The following RBFOX1 variants were observed in gnomAD, a reference collection of about 807,000 sequenced individuals.
RBFOX1 encodes the protein RNA binding protein fox-1 homolog 1.
A neutral mutation model predicts 57.7 loss-of-function variants in RBFOX1; 8 were observed. That is an observed-to-expected ratio of 0.14 (90% CI 0.08 to 0.25). The LOEUF (loss-of-function observed/expected upper bound fraction) is 0.25, where lower values mean the gene tolerates loss of function less well. RBFOX1 is among the 10% of genes least tolerant of loss of function. RBFOX1 has a pLI of 1.00. For missense variants in RBFOX1, 611 were observed against 548.5 expected (o/e 1.11, Z -1.14); for synonymous variants, 326 against 222.4 (o/e 1.47, Z -4.15).
chr16:6,300,412 C>T (rs2078675420), intron 1 of RBFOX1, among the ~76,000 whole-genome samples: 1 of 152,166 alleles, frequency 6.6e-6, no homozygotes, highest in South Asian at 2.1e-4. Flanking sequence ...TTCAAAACAT[C>T]ATGTTGTACA....
intron 5 of RBFOX1, among the ~76,000 whole-genome samples, chr16:7,520,227 T>C (rs2094839470): frequency 6.6e-6 from 1 of 152,198 alleles, no homozygotes; most frequent in Non-Finnish European, 1.5e-5. Flanking sequence ...CATTCTGAAA[T>C]TTTTAGTTGC....
chr16:7,558,642 T>C (rs1188743560), intron 5 of RBFOX1, among the ~76,000 whole-genome samples: 1 of 152,134 alleles, frequency 6.6e-6, no homozygotes, highest in East Asian at 1.9e-4. Flanking sequence ...TCCTGACAAG[T>C]TAGCAACTGG....
chr16:7,597,448 CT>C lies in RBFOX1; in HGVS notation c.622+21del, dbSNP rs1602921949. On this transcript the variant is annotated intron_variant, in intron 9 of 15. Coordinates refer to ENST00000550418, the MANE Select transcript of RBFOX1 (RefSeq NM_018723.4). ...ATACAAATGGTAAGTAGAGATTGGCCTTTTACAAGAAATTCTCTCTACTTCT... is the reference window on the plus strand; with the variant it reads ...ATACAAATGGTAAGTAGAGATTGGCCTTTACAAGAAATTCTCTCTACTTCT... The C allele has an allele frequency of 6.4e-7, 1 of 1,572,152 alleles. No individual in the cohort carries two copies. The highest frequency in any genetic ancestry group is 8.7e-7 in the Non-Finnish European group (1 of 1,148,758).
At chr16:7,393,151 G>A (rs1323987512) in intron 4 of RBFOX1, among the ~76,000 whole-genome samples, 1 of 152,152 alleles carries the variant, frequency 6.6e-6, no homozygotes, top group East Asian at 1.9e-4. Flanking sequence ...TGGGATTACA[G>A]GTGTGAGCCA....
chr16:7,421,128 G>A (rs1393432059), intron 4 of RBFOX1, among the ~76,000 whole-genome samples: 2 of 152,062 alleles, frequency 1.3e-5, no homozygotes, highest in East Asian at 3.9e-4. Context: ...TTGGGCCAAG[G>A]TGGAGAAGGC....
At chr16:6,170,241 T>C (rs1385287593) in intron 1 of RBFOX1, among the ~76,000 whole-genome samples, 1 of 152,200 alleles carries the variant, frequency 6.6e-6, no homozygotes. Flanking sequence ...GAAAGCCGTG[T>C]TCATGTCCAG....
intron 3 of RBFOX1, among the ~76,000 whole-genome samples, chr16:5,846,824 C>T (rs898440709): frequency 6.6e-5 from 10 of 152,216 alleles, no homozygotes. Context: ...CAAATGCTTG[C>T]TTCACTGGGG....
chr16:5,771,453 G>A (rs1055179647), intron 3 of RBFOX1, among the ~76,000 whole-genome samples: 9 of 152,202 alleles, frequency 5.9e-5, no homozygotes, highest in African/African-American at 2.2e-4. Flanking sequence ...CCGTAGTCCA[G>A]GCTGGAGTGC....
intron 3 of RBFOX1, among the ~76,000 whole-genome samples, chr16:6,809,694 AGAG>A (rs2087913992): frequency 6.6e-6 from 1 of 152,204 alleles, no homozygotes; most frequent in Admixed American, 6.5e-5. Flanking sequence ...GAGCTGCAGA[AGAG>A]GAGTTTTTCA....
At chr16:5,335,354 G>A (rs2064869090) in intron 1 of RBFOX1, among the ~76,000 whole-genome samples, 1 of 152,144 alleles carries the variant, frequency 6.6e-6, no homozygotes, top group African/African-American at 2.4e-5. Flanking sequence ...ATCTGAAGGT[G>A]CCTGAAGCTT....
intron 4 of RBFOX1, among the ~76,000 whole-genome samples, chr16:7,369,232 C>G (rs373228983): frequency 1.1e-4 from 17 of 151,900 alleles, no homozygotes; most frequent in South Asian, 6.3e-4. Flanking sequence ...GCAAACACAC[C>G]CAAACAAACA....
chr16:6,639,170 G>A (rs754614509), intron 2 of RBFOX1, among the ~76,000 whole-genome samples: 7 of 152,188 alleles, frequency 4.6e-5, no homozygotes, highest in South Asian at 2.1e-4. Flanking sequence ...AATCATGTGC[G>A]CTAGCTCTGT....
chr16:5,400,752 TA>T (rs1486501451), intron 1 of RBFOX1, among the ~76,000 whole-genome samples: 1 of 152,162 alleles, frequency 6.6e-6, no homozygotes, highest in African/African-American at 2.4e-5. Context: ...AGGAAGATTG[TA>T]AAAACTTTCA....
intron 4 of RBFOX1, among the ~76,000 whole-genome samples, chr16:5,942,860 G>A (rs897880375): frequency 1.3e-5 from 2 of 152,192 alleles, no homozygotes; most frequent in Non-Finnish European, 2.9e-5. Context: ...ATGAGGATGG[G>A]AGCTGATCCT....
Position 6,403,394 on chromosome 16 carries a change from A to T in RBFOX1, c.-64+86337A>T, listed in dbSNP as rs564005857. Among the ~76,000 whole-genome samples, 6 of 151,928 alleles carry T rather than the reference A, an allele frequency of 3.9e-5. No individual in the cohort carries two copies. In the South Asian group the frequency reaches 1.2e-3, roughly 32 times the overall value. ...ACTTTTTTTTTAAATAGAGGATTCT[A>T]CTCCCATCATCCAGGCAGGAGTGCA... On this transcript the variant is annotated intron_variant, in intron 2 of 15. Coordinates refer to ENST00000550418, the MANE Select transcript of RBFOX1 (RefSeq NM_018723.4).
At chr16:6,845,850 G>T (rs1268694199) in intron 3 of RBFOX1, among the ~76,000 whole-genome samples, 3 of 152,128 alleles carry the variant, frequency 2.0e-5, no homozygotes, top group Non-Finnish European at 2.9e-5. Flanking sequence ...GATAATCTCA[G>T]TCCCACTTGT....
At chr16:7,572,085 C>A (rs2092836932) in intron 5 of RBFOX1, among the ~76,000 whole-genome samples, 1 of 152,164 alleles carries the variant, frequency 6.6e-6, no homozygotes, top group African/African-American at 2.4e-5. Context: ...CAAGATCGCA[C>A]CATTGCACTC....
chr16:6,870,690 A>G (rs900165724), intron 3 of RBFOX1, among the ~76,000 whole-genome samples: 9 of 152,218 alleles, frequency 5.9e-5, no homozygotes, highest in Non-Finnish European at 1.3e-4. Context: ...TTTACAGCAC[A>G]GTTTAATTAT....
chr16:6,086,764 T>C (rs190494082), intron 1 of RBFOX1, among the ~76,000 whole-genome samples: 104 of 152,350 alleles, frequency 6.8e-4, no homozygotes, highest in African/African-American at 2.4e-3. Context: ...AAAAGAGATA[T>C]TCAGCAGGTA....
Sources: allele counts gnomAD v4.1 joint callset (sites outside exome capture counted in the v4.1 genomes callset), GRCh38; gene constraint gnomAD v4.1.1; transcripts MANE v1.5; gene names NCBI Gene and HGNC (gene_info 2026-07-23, HGNC 2026-07-21).